GAS7: variants seen among roughly 807,000 people sequenced by gnomAD.
GAS7 encodes growth arrest specific 7, also known as growth arrest-specific protein 7.
GAS7 carries 28 observed loss-of-function variants against 71.1 expected under a neutral mutation model. The ratio of observed to expected loss-of-function variants is 0.39; its 90% CI spans 0.29 to 0.54. GAS7 has a LOEUF of 0.54. Among genes scored for constraint, GAS7 ranks in the 20% least tolerant of loss-of-function variants. The pLI, the probability that GAS7 is intolerant of heterozygous loss-of-function variation, is 0.62. For missense variants in GAS7, 436 were observed against 627.8 expected, an observed-to-expected ratio of 0.69 and a Z score of 3.27; for synonymous variants, 258 against 245.8, an observed-to-expected ratio of 1.05 and a Z score of -0.46.
chr17:10,122,899 T>C (rs917094818), intron 1 of GAS7, among the ~76,000 whole-genome samples: 2 of 152,196 alleles, frequency 1.3e-5, no homozygotes, highest in African/African-American at 2.4e-5. Context: ...GGCGTGATCA[T>C]GGCTCATTGT....
chr17:9,954,911 A>C (rs557030387), intron 5 of GAS7, among the ~76,000 whole-genome samples: 55 of 152,276 alleles, frequency 3.6e-4, no homozygotes, highest in African/African-American at 1.3e-3. Flanking sequence ...GTGGCAGCAG[A>C]GGGGCATGGT....
intron 1 of GAS7, among the ~76,000 whole-genome samples, chr17:10,036,228 T>C (rs1185270386): frequency 6.7e-6 from 1 of 148,674 alleles, no homozygotes; most frequent in Admixed American, 6.7e-5. Flanking sequence ...ACCCACGTCT[T>C]TTTTTTTTTT....
chr17:9,941,283 A>G (rs1238438615), intron 7 of GAS7, among the ~76,000 whole-genome samples: 1 of 151,740 alleles, frequency 6.6e-6, no homozygotes, highest in African/African-American at 2.4e-5. Context: ...CCATCCCCCT[A>G]CCTTCACCTC....
intron 1 of GAS7, among the ~76,000 whole-genome samples, chr17:10,157,037 C>T (rs1043472706): frequency 1.3e-5 from 2 of 152,154 alleles, no homozygotes; most frequent in Admixed American, 1.3e-4. Context: ...CACAAAATGA[C>T]ATCTGAGAAG....
intron 1 of GAS7, among the ~76,000 whole-genome samples, chr17:10,177,570 C>G (rs1445395721): frequency 6.6e-6 from 1 of 152,170 alleles, no homozygotes; most frequent in Non-Finnish European, 1.5e-5. Context: ...TACCTTCTCA[C>G]TGCTGCCCTC....
chr17:10,059,573 G>T, intron 1 of GAS7: 1 of 381,876 alleles, frequency 2.6e-6, no homozygotes, highest in Non-Finnish European at 3.6e-6. Context: ...CAAGCAAGAG[G>T]TCATCCAAGG....
At chr17:10,113,277 C>A (rs2073831227) in intron 1 of GAS7, among the ~76,000 whole-genome samples, 1 of 152,168 alleles carries the variant, frequency 6.6e-6, no homozygotes, top group South Asian at 2.1e-4. Context: ...GCAATCTGGC[C>A]CTTTCTGTCA....
intron 1 of GAS7, among the ~76,000 whole-genome samples, chr17:10,118,166 C>G (rs920219242): frequency 6.7e-6 from 1 of 150,180 alleles, no homozygotes; most frequent in African/African-American, 2.4e-5. Context: ...AAGTCAGTCA[C>G]TCGTTGCAAG....
In GAS7 at chr17:10,013,129, A is replaced by T. The variant is rs143104761; in HGVS notation, c.304+6648T>A. ...AAAAAAAAAAAAAAAAAATTAAAAA[A>T]AGAGAAACCCAGAGGATCTTGTTTG... On this transcript the variant is annotated intron_variant, in intron 2 of 13. Coordinates refer to ENST00000432992, the MANE Select transcript of GAS7 (RefSeq NM_201433.2). Among the ~76,000 whole-genome samples, 1,427 of 152,034 alleles carry T rather than the reference A, an allele frequency of 9.4e-3. 41 individuals are homozygous for T. The East Asian group carries it at 0.096, about 10-fold the overall frequency.
intron 1 of GAS7, among the ~76,000 whole-genome samples, chr17:10,052,073 G>A (rs887389590): frequency 6.6e-6 from 1 of 152,022 alleles, no homozygotes; most frequent in Non-Finnish European, 1.5e-5. Context: ...CTGTCTCCAA[G>A]ACTGGTGCTA....
chr17:10,175,070 T>C (rs1246405501), intron 1 of GAS7, among the ~76,000 whole-genome samples: 1 of 152,044 alleles, frequency 6.6e-6, no homozygotes, highest in African/African-American at 2.4e-5. Context: ...GGTCTCGAAA[T>C]CCTGGGCTCA....
At chr17:10,021,168 G>A (rs1055593427) in intron 1 of GAS7, among the ~76,000 whole-genome samples, 5 of 152,228 alleles carry the variant, frequency 3.3e-5, no homozygotes, top group Admixed American at 2.0e-4. Flanking sequence ...CATACGAAGA[G>A]AGTAGCCATG....
chr17:10,131,553 C>T (rs2073997255), intron 1 of GAS7, among the ~76,000 whole-genome samples: 1 of 152,176 alleles, frequency 6.6e-6, no homozygotes, highest in African/African-American at 2.4e-5. Flanking sequence ...ACCCGGGAGG[C>T]GGAGGTTGCA....
At chr17:10,101,601 G>A (rs1184081993) in intron 1 of GAS7, among the ~76,000 whole-genome samples, 3 of 152,174 alleles carry the variant, frequency 2.0e-5, no homozygotes, top group African/African-American at 7.2e-5. Flanking sequence ...TTTCATTCAT[G>A]AGGGCCAATA....
At position 10,017,126 on chromosome 17, in the gene GAS7, G is replaced by C. The variant is rs2072059332; in HGVS notation, c.304+2651C>G. 1.4e-5 allele frequency among the ~76,000 whole-genome samples: 2 copies of C among 139,274 alleles called. 1 individual carries two copies. Among genetic ancestry groups the C allele is most frequent in the South Asian group, 4.5e-4 (2 of 4,486 alleles). 91.4% of individuals were successfully genotyped at this position (139,274 alleles called of 152,430 possible). ...AGCCTGGGCAACAGAGTGAGACCCTGTCTAAAAAAATAAATAAATAAATAA... is the reference window on the plus strand; with the variant it reads ...AGCCTGGGCAACAGAGTGAGACCCTCTCTAAAAAAATAAATAAATAAATAA... On this transcript the variant is annotated intron_variant, in intron 2 of 13. Transcript: ENST00000432992.
At chr17:10,147,094 CAAGA>C (rs1189529609) in intron 1 of GAS7, among the ~76,000 whole-genome samples, 5 of 152,136 alleles carry the variant, frequency 3.3e-5, no homozygotes, top group African/African-American at 1.2e-4. Flanking sequence ...TTACAGTAAG[CAAGA>C]AAGAAGCCAA....
At chr17:9,939,612 G>A (rs1210723558) in intron 8 of GAS7, among the ~76,000 whole-genome samples, 1 of 148,442 alleles carries the variant, frequency 6.7e-6, no homozygotes, top group Non-Finnish European at 1.5e-5. Flanking sequence ...ATGTGGAAGT[G>A]CCTTTTTTTT....
At chr17:10,182,126 T>C (rs576756463) in intron 1 of GAS7, among the ~76,000 whole-genome samples, 1 of 152,290 alleles carries the variant, frequency 6.6e-6, no homozygotes, top group African/African-American at 2.4e-5. Flanking sequence ...AAGCAGCCCA[T>C]ACTGCTACCT....
At chr17:10,069,331 C>G (rs2073316128) in intron 1 of GAS7, among the ~76,000 whole-genome samples, 1 of 152,226 alleles carries the variant, frequency 6.6e-6, no homozygotes, top group South Asian at 2.1e-4. Flanking sequence ...CAACAGGTGA[C>G]AAGCCTCTCA....
Sources: allele counts gnomAD v4.1 joint callset (sites outside exome capture counted in the v4.1 genomes callset), GRCh38; gene constraint gnomAD v4.1.1; transcripts MANE v1.5; gene names NCBI Gene and HGNC (gene_info 2026-07-23, HGNC 2026-07-21).